Variants in LARGE1 observed in about 807,000 individuals in gnomAD.
LARGE1 encodes the protein xylosyl- and glucuronyltransferase LARGE1.
In LARGE1, 43 loss-of-function variants were observed where a neutral mutation model predicts 87.6. The observed-to-expected ratio is 0.49, with a 90% CI of 0.38 to 0.63. The LOEUF is 0.63. LARGE1 is among the 30% of genes least tolerant of loss of function. The probability of loss-of-function intolerance (pLI) is 0.00; values close to 1 mark genes in which losing one functional copy is unlikely to be tolerated. For missense variants in LARGE1, 802 were observed against 1,000.2 expected (o/e 0.80, Z 2.67); for synonymous variants, 434 against 394.6 (o/e 1.10, Z -1.18).
At chr22:33,259,457 C>T (rs1247984499) in intron 11 of LARGE1, among the ~76,000 whole-genome samples, 1 of 152,026 alleles carries the variant, frequency 6.6e-6, no homozygotes, top group Non-Finnish European at 1.5e-5. Context: ...GGCTGGTCAA[C>T]TGCCTTCCAT....
intron 2 of LARGE1, among the ~76,000 whole-genome samples, chr22:33,671,630 T>C (rs2081416144): frequency 6.6e-6 from 1 of 152,192 alleles, no homozygotes; most frequent in Non-Finnish European, 1.5e-5. Context: ...GAAAGAGCTA[T>C]ATGGTGAAAT....
intron 5 of LARGE1, among the ~76,000 whole-genome samples, chr22:33,584,390 G>C (rs2078607865): frequency 1.3e-5 from 2 of 152,150 alleles, no homozygotes; most frequent in African/African-American, 4.8e-5. Flanking sequence ...GCTCGGCTCA[G>C]GGTTCCCCTT....
chr22:33,644,451 TATC>T (rs1378925614), intron 3 of LARGE1, among the ~76,000 whole-genome samples: 2 of 152,180 alleles, frequency 1.3e-5, no homozygotes, highest in Admixed American at 1.3e-4. Context: ...CCACAGCCAA[TATC>T]ATACTGAATG....
chr22:33,711,532 G>C (rs1569395475), intron 2 of LARGE1, among the ~76,000 whole-genome samples: 1 of 152,214 alleles, frequency 6.6e-6, no homozygotes. Context: ...CGATACATAG[G>C]ATGCTGTACA....
At chr22:33,735,056 C>G (rs778901984) in intron 2 of LARGE1, among the ~76,000 whole-genome samples, 1 of 152,122 alleles carries the variant, frequency 6.6e-6, no homozygotes, top group African/African-American at 2.4e-5. Context: ...AGAAACAGAA[C>G]AAAAGCTCTC....
At chr22:33,531,383 C>G (rs1168114371) in intron 6 of LARGE1, among the ~76,000 whole-genome samples, 1 of 152,168 alleles carries the variant, frequency 6.6e-6, no homozygotes, top group Admixed American at 6.5e-5. Flanking sequence ...GTCTCGAACT[C>G]CTAACCTCAG....
At chr22:33,356,440 G>T (rs369268826) in intron 9 of LARGE1, among the ~76,000 whole-genome samples, 11,529 of 152,210 alleles carry the variant, frequency 0.076, 514 homozygotes, top group South Asian at 0.14. Flanking sequence ...CTTAGGCAAG[G>T]TGTTTAACCT....
chr22:33,687,292 G>C (rs916243222), intron 2 of LARGE1, among the ~76,000 whole-genome samples: 30 of 151,636 alleles, frequency 2.0e-4, no homozygotes, highest in Non-Finnish European at 4.4e-4. Context: ...ACCGTGCATG[G>C]CCTCAAGCTG....
At chr22:33,160,009 A>C (rs1270929254), downstream of LARGE1, among the ~76,000 whole-genome samples, 9 of 152,108 alleles carry the variant, frequency 5.9e-5, no homozygotes, top group Non-Finnish European at 1.0e-4. Flanking sequence ...TAAAAGAAAG[A>C]TATATCAATT....
chr22:33,386,843 TG>T (rs1273541456), intron 7 of LARGE1, among the ~76,000 whole-genome samples: 1 of 149,050 alleles, frequency 6.7e-6, no homozygotes, highest in African/African-American at 2.4e-5. Flanking sequence ...GGCTCACACC[TG>T]TGACCCCAGC....
intron 1 of LARGE1, among the ~76,000 whole-genome samples, chr22:33,862,588 C>T (rs1199255169): frequency 2.6e-5 from 4 of 152,134 alleles, no homozygotes; most frequent in African/African-American, 9.7e-5. Context: ...TCACCAGGAA[C>T]GCAGGAAGCT....
At chr22:33,568,392 G>A (rs1179060316) in intron 5 of LARGE1, among the ~76,000 whole-genome samples, 1 of 152,164 alleles carries the variant, frequency 6.6e-6, no homozygotes, top group Non-Finnish European at 1.5e-5. Flanking sequence ...CGGCAAGAGA[G>A]GACCTAGAAG....
At chr22:33,545,879 T>C (rs1376315484) in intron 6 of LARGE1, among the ~76,000 whole-genome samples, 2 of 152,158 alleles carry the variant, frequency 1.3e-5, no homozygotes, top group East Asian at 3.9e-4. Flanking sequence ...CCATGGCAGG[T>C]GCCCTGGACA....
At chr22:33,718,472 T>G (rs2149429621) in intron 2 of LARGE1, among the ~76,000 whole-genome samples, 1 of 152,368 alleles carries the variant, frequency 6.6e-6, no homozygotes, top group South Asian at 2.1e-4. Flanking sequence ...TTAATGAATG[T>G]GCTGAATGGA....
intron 1 of LARGE1, among the ~76,000 whole-genome samples, chr22:33,816,498 C>A (rs933776332): frequency 2.0e-5 from 3 of 152,090 alleles, no homozygotes; most frequent in African/African-American, 7.2e-5. Flanking sequence ...ACTAATCCCA[C>A]TCATGTAGGC....
chr22:33,120,043 C>A, the LARGE1 span, among the ~76,000 whole-genome samples: 29 of 107,578 alleles, frequency 2.7e-4, no homozygotes, highest in African/African-American at 1.4e-3. Flanking sequence ...CTTCATATGG[C>A]CACATGAGCA....
intron 1 of LARGE1, among the ~76,000 whole-genome samples, chr22:33,821,432 C>T (rs989503540): frequency 2.0e-5 from 3 of 152,158 alleles, no homozygotes; most frequent in African/African-American, 7.2e-5. Flanking sequence ...AGTGCAGAGG[C>T]CATGACTTAC....
intron 7 of LARGE1, among the ~76,000 whole-genome samples, chr22:33,386,131 T>C (rs2065316336): frequency 6.7e-6 from 1 of 148,974 alleles, no homozygotes; most frequent in Non-Finnish European, 1.5e-5. Flanking sequence ...CATAGGTCCT[T>C]TGTGCTTTGT....
intron 6 of LARGE1, among the ~76,000 whole-genome samples, chr22:33,475,491 C>A (rs1027553973): frequency 6.7e-5 from 10 of 149,714 alleles, no homozygotes; most frequent in African/African-American, 4.9e-5. Flanking sequence ...GATGGGGTTT[C>A]GCTCTTGTTG....
Sources: gnomAD v4.1 joint callset for allele counts (sites outside exome capture counted in the v4.1 genomes callset) on GRCh38, gnomAD v4.1.1 for gene constraint, MANE v1.5 for transcripts, NCBI Gene and HGNC (gene_info 2026-07-23, HGNC 2026-07-21) for gene names.